Variants in MORC1 observed in about 807,000 individuals in gnomAD.
MORC1 encodes the protein MORC family CW-type zinc finger 1, also known as MORC family CW-type zinc finger protein 1.
MORC1 carries 59 observed loss-of-function variants against 134.9 expected under a neutral mutation model. That is an observed-to-expected ratio of 0.44 (90% confidence interval 0.35 to 0.54). MORC1 has a LOEUF of 0.54. MORC1 is among the 20% of genes least tolerant of loss of function. The pLI, the probability that MORC1 is intolerant of heterozygous loss-of-function variation, is 0.00. For synonymous variants in MORC1, 395 were observed against 391.7 expected (o/e 1.01, Z -0.10); for missense variants, 947 against 1,134.5 (o/e 0.83, Z 2.37).
intron 14 of MORC1, among the ~76,000 whole-genome samples, chr3:109,043,066 AG>A (rs2107639825): frequency 6.6e-6 from 1 of 152,000 alleles, no homozygotes; most frequent in Non-Finnish European, 1.5e-5. Flanking sequence ...TAAAAAACAC[AG>A]GGCCTTGAAG....
Position 108,976,348 on chromosome 3 carries a change from A to G in MORC1, c.2477+3167T>C, listed in dbSNP as rs984899771. Reference sequence around the variant, plus strand: ...GTGACAAGAAAGGTAAATATGGTAAACAATTCTGAGTATTTCTTTATACTT... The same window carrying G: ...GTGACAAGAAAGGTAAATATGGTAAGCAATTCTGAGTATTTCTTTATACTT... On this transcript the variant is annotated intron_variant, in intron 24 of 27. Transcript: ENST00000232603. Among the ~76,000 whole-genome samples the G allele has an allele frequency of 2.0e-5, 3 of 152,192 alleles. No individual in the cohort carries two copies. In the East Asian group the frequency reaches 5.8e-4, roughly 29 times the overall value.
intron 23 of MORC1, among the ~76,000 whole-genome samples, chr3:108,982,675 C>A (rs1181111718): frequency 2.0e-5 from 3 of 148,522 alleles, no homozygotes; most frequent in Non-Finnish European, 4.4e-5. Context: ...CACATGTATA[C>A]CTATGTAACA....
At chr3:109,011,750 A>G (rs749338038) in intron 17 of MORC1, among the ~76,000 whole-genome samples, 23 of 152,064 alleles carry the variant, frequency 1.5e-4, no homozygotes, top group Middle Eastern at 3.4e-3. Flanking sequence ...TGAACTCCCA[A>G]CGTCAGGTGA....
intron 21 of MORC1, among the ~76,000 whole-genome samples, chr3:108,991,499 A>G (rs1948059366): frequency 6.6e-6 from 1 of 152,114 alleles, no homozygotes; most frequent in Non-Finnish European, 1.5e-5. Flanking sequence ...AAGCATGAAG[A>G]TATTTCTTGG....
At position 109,118,123 on chromosome 3, in the gene MORC1, G is replaced by GCGCCCGCGCCCA; in HGVS notation, c.-65_-64insTGGGCGCGGGCG. The GCGCCCGCGCCCA allele has an allele frequency of 6.5e-7, 1 of 1,548,744 alleles. No homozygotes were observed. Among genetic ancestry groups the GCGCCCGCGCCCA allele is most frequent in the African/African-American group, 1.4e-5 (1 of 73,528 alleles). On this transcript the variant is annotated 5_prime_UTR_variant, in exon 1 of 28. Coordinates refer to ENST00000232603, the MANE Select transcript of MORC1 (RefSeq NM_014429.4). ...ACACCTGACCGGCAGCCGTTCGCCT[G>GCGCCCGCGCCCA]CGCCCGCGCCCACTCCCACGCCCAC... is the stretch of plus-strand genomic sequence containing the variant.
chr3:109,045,102 C>G (rs1242070424), intron 14 of MORC1, among the ~76,000 whole-genome samples: 1 of 152,046 alleles, frequency 6.6e-6, no homozygotes, highest in Non-Finnish European at 1.5e-5. Flanking sequence ...TTGATGGTCT[C>G]CATCAAAATA....
intron 12 of MORC1, 74 bp from the exon 13 acceptor site, chr3:109,057,560 T>C: frequency 1.5e-6 from 2 of 1,340,404 alleles, no homozygotes; most frequent in East Asian, 2.6e-5. Flanking sequence ...CTGCTAATAA[T>C]TAAACTAGAA....
At chr3:109,080,113 T>C (rs1950495257) in intron 8 of MORC1, among the ~76,000 whole-genome samples, 1 of 152,192 alleles carries the variant, frequency 6.6e-6, no homozygotes, top group Admixed American at 6.5e-5. Flanking sequence ...TCCTTTCCCA[T>C]ATCATGTATT....
intron 14 of MORC1, among the ~76,000 whole-genome samples, chr3:109,036,541 A>T (rs2107620266): frequency 6.6e-6 from 1 of 152,266 alleles, no homozygotes. Flanking sequence ...TCCATGTTTG[A>T]CTGTTTTGTC....
At chr3:109,103,783 T>C (rs935266967) in intron 4 of MORC1, 66 bp downstream of exon 4, 1 of 1,389,268 alleles carries the variant, frequency 7.2e-7, no homozygotes, top group Non-Finnish European at 1.0e-6. Flanking sequence ...GCTCAATTTA[T>C]TTATTTTGTA....
At chr3:108,965,469 T>C (rs140108469) in intron 26 of MORC1, among the ~76,000 whole-genome samples, 16 of 152,214 alleles carry the variant, frequency 1.1e-4, no homozygotes, top group African/African-American at 3.9e-4. Flanking sequence ...GGAGAACATA[T>C]TAGTGGATGC....
intron 17 of MORC1, among the ~76,000 whole-genome samples, chr3:109,008,785 A>C (rs748790684): frequency 2.0e-5 from 3 of 151,850 alleles, no homozygotes; most frequent in Non-Finnish European, 1.5e-5. Context: ...ACAGTGGCAA[A>C]ATTTGTTTAT....
At chr3:108,976,349 C>CA (rs1284293014) in intron 24 of MORC1, among the ~76,000 whole-genome samples, 11 of 152,144 alleles carry the variant, frequency 7.2e-5, no homozygotes, top group African/African-American at 2.4e-4. Flanking sequence ...ATATGGTAAA[C>CA]AATTCTGAGT....
At chr3:109,077,075 G>C (rs934501105) in intron 8 of MORC1, among the ~76,000 whole-genome samples, 1 of 151,798 alleles carries the variant, frequency 6.6e-6, no homozygotes, top group Non-Finnish European at 1.5e-5. Context: ...TCAGACTTCT[G>C]ATCAACAACA....
chr3:109,080,503 G>A (rs1950502026), intron 8 of MORC1, among the ~76,000 whole-genome samples: 1 of 152,050 alleles, frequency 6.6e-6, no homozygotes, highest in Non-Finnish European at 1.5e-5. Flanking sequence ...ACTATAAACT[G>A]AACCCAGACA....
At chr3:109,054,705 T>C (rs201687364) in intron 14 of MORC1, 23 bp downstream of exon 14, 356 of 1,496,508 alleles carry the variant, frequency 2.4e-4, no homozygotes, top group Non-Finnish European at 3.0e-4. Context: ...AAGTATCTCC[T>C]ACTATGACTA....
chr3:109,010,875 A>G (rs956215171), intron 17 of MORC1, among the ~76,000 whole-genome samples: 1 of 152,208 alleles, frequency 6.6e-6, no homozygotes, highest in Non-Finnish European at 1.5e-5. Context: ...CACTGAATGG[A>G]CATGCCATAA....
intron 8 of MORC1, among the ~76,000 whole-genome samples, chr3:109,082,299 A>T (rs1950539116): frequency 1.3e-5 from 2 of 152,074 alleles, no homozygotes; most frequent in African/African-American, 4.8e-5. Flanking sequence ...TCAAGCAAAC[A>T]TACCCAGTGA....
At chr3:109,015,043 G>A (rs1252503739) in intron 17 of MORC1, among the ~76,000 whole-genome samples, 3 of 151,882 alleles carry the variant, frequency 2.0e-5, no homozygotes, top group Admixed American at 6.6e-5. Flanking sequence ...CTGCCACCAC[G>A]CCCAGCTAAT....
Sources: allele counts gnomAD v4.1 joint callset (sites outside exome capture counted in the v4.1 genomes callset), GRCh38; gene constraint gnomAD v4.1.1; transcripts MANE v1.5; gene names NCBI Gene and HGNC (gene_info 2026-07-23, HGNC 2026-07-21).